Variants in TMEM132B observed in about 807,000 individuals in gnomAD.
TMEM132B encodes transmembrane protein 132B.
A neutral mutation model predicts 90.8 loss-of-function variants in TMEM132B; 18 were observed. The observed-to-expected ratio is 0.20, with a 90% confidence interval of 0.14 to 0.29. TMEM132B has a LOEUF of 0.29. Ranked by LOEUF, TMEM132B falls within the 10% of genes least tolerant of loss-of-function variation. TMEM132B has a pLI of 1.00. For synonymous variants in TMEM132B, 504 were observed against 523.3 expected (o/e 0.96, Z 0.50); for missense variants, 1,096 against 1,326.8 (o/e 0.83, Z 2.70).
Position 125,529,456 on chromosome 12 carries a change from C to T in TMEM132B, c.1293+9831C>T, listed in dbSNP as rs549174028. Among the ~76,000 whole-genome samples the T allele has an allele frequency of 6.6e-4, 100 of 152,256 alleles. 1 individual carries two copies. The highest frequency in any genetic ancestry group is 2.3e-3 in the African/African-American group (95 of 41,548). On this transcript the variant is annotated intron_variant, in intron 4 of 8. Transcript: ENST00000682704. ...TTCTTTGAATGATTCTGCCTGGTGG[C>T]CCCAAAGGCCAACAGGGACTTGACT...
At chr12:125,517,359 T>TGCA in intron 3 of TMEM132B, among the ~76,000 whole-genome samples, 1 of 89,556 alleles carries the variant, frequency 1.1e-5, no homozygotes, top group African/African-American at 5.6e-5. Flanking sequence ...TTTTTTTTTT[T>TGCA]TTTTTTGCAT....
At chr12:125,225,327 G>A (rs1479007884) in intron 1 of TMEM132B, among the ~76,000 whole-genome samples, 1 of 152,218 alleles carries the variant, frequency 6.6e-6, no homozygotes, top group Non-Finnish European at 1.5e-5. Flanking sequence ...AAATGAAAAT[G>A]CAGGTTAGAA....
At position 125,584,285 on chromosome 12, in the gene TMEM132B, A is replaced by C. The variant is rs117703607; in HGVS notation, c.1437+291A>C. 2.0e-3 allele frequency: 754 copies of C among 379,080 alleles called. 15 individuals carry two copies. The East Asian group carries it at 0.022, about 11-fold the overall frequency. The allele number at this position is 379,080 out of a possible 1,614,324, so 23.5% of individuals were successfully genotyped here. On this transcript the variant is annotated intron_variant, in intron 5 of 8. Coordinates refer to ENST00000682704, the MANE Select transcript of TMEM132B (RefSeq NM_001366854.1). ...TCTTGTCTCCCCTATTCTTCTCTCTATCTTTCCTCGTAAGACAATATTTTC... is the reference window on the plus strand; with the variant it reads ...TCTTGTCTCCCCTATTCTTCTCTCTCTCTTTCCTCGTAAGACAATATTTTC...
chr12:125,332,583 CTTTTTTTTTTTTTTTTTTTTTTT>C (rs201828438), intron 1 of TMEM132B, among the ~76,000 whole-genome samples: 6 of 52,364 alleles, frequency 1.1e-4, no homozygotes, highest in East Asian at 6.5e-4. Context: ...AGAGAGTTGG[CTTTTTTTTTTTTTTTTTTTTTTT>C]TTTTTTTTTT....
At chr12:125,598,055 G>A (rs1252674645) in intron 5 of TMEM132B, among the ~76,000 whole-genome samples, 1 of 152,162 alleles carries the variant, frequency 6.6e-6, no homozygotes, top group Non-Finnish European at 1.5e-5. Flanking sequence ...AGGCTGACAT[G>A]AATTGTACAA....
At chr12:125,505,164 G>GAAAAAAA (rs1566056531) in intron 3 of TMEM132B, among the ~76,000 whole-genome samples, 1 of 4,580 alleles carries the variant, frequency 2.2e-4, no homozygotes, top group Non-Finnish European at 4.5e-4. Flanking sequence ...CACACCAGAG[G>GAAAAAAA]ACAAAAAAAA....
intron 3 of TMEM132B, among the ~76,000 whole-genome samples, chr12:125,442,298 C>T (rs901495853): frequency 1.6e-5 from 2 of 123,150 alleles, no homozygotes; most frequent in Non-Finnish European, 3.2e-5. Context: ...AATTTTATGT[C>T]AGCTAGTGAC....
chr12:125,512,145 A>G (rs112340847), intron 3 of TMEM132B, among the ~76,000 whole-genome samples: 1,836 of 152,320 alleles, frequency 0.012, 12 homozygotes, highest in Middle Eastern at 0.034. Flanking sequence ...TTTTCTCAGA[A>G]ATCACAAATG....
chr12:125,254,700 T>C (rs1236864786), intron 1 of TMEM132B, among the ~76,000 whole-genome samples: 1 of 150,144 alleles, frequency 6.7e-6, no homozygotes, highest in Non-Finnish European at 1.5e-5. Flanking sequence ...TTTTTTTTTT[T>C]CAGATGGAGT....
intron 5 of TMEM132B, among the ~76,000 whole-genome samples, chr12:125,623,398 T>C (rs762243794): frequency 3.5e-4 from 54 of 152,138 alleles, no homozygotes; most frequent in South Asian, 6.2e-4. Flanking sequence ...CCTTGTTCCA[T>C]GTGGTTTGGA....
intron 2 of TMEM132B, among the ~76,000 whole-genome samples, chr12:125,375,421 A>C (rs768226991): frequency 1.3e-5 from 2 of 152,228 alleles, no homozygotes; most frequent in Non-Finnish European, 2.9e-5. Flanking sequence ...GCAAAGAGAT[A>C]CATTTTGTCG....
Position 125,408,386 on chromosome 12 carries a change from A to G in TMEM132B, c.960-7145A>G, listed in dbSNP as rs1416216289. Among the ~76,000 whole-genome samples, 1 of 152,164 alleles carries G rather than the reference A, an allele frequency of 6.6e-6. No homozygotes were observed. Among genetic ancestry groups the G allele is most frequent in the Non-Finnish European group, 1.5e-5 (1 of 68,034 alleles). ...TTGGGAGATTAGGTCATCTCCCTAAAGGAATGGGATTAATGCCCTTATAAA... is the reference window on the plus strand; with the variant it reads ...TTGGGAGATTAGGTCATCTCCCTAAGGGAATGGGATTAATGCCCTTATAAA... On this transcript the variant is annotated intron_variant, in intron 2 of 8. Transcript: ENST00000682704. The surrounding 1 kb of genome is among the most constrained non-coding windows in gnomAD (Gnocchi z 5.9).
At chr12:125,512,550 T>A (rs1052649655) in intron 3 of TMEM132B, among the ~76,000 whole-genome samples, 5 of 152,200 alleles carry the variant, frequency 3.3e-5, no homozygotes, top group Non-Finnish European at 5.9e-5. Context: ...AGATTTTTTT[T>A]AAAGTTCTGT....
chr12:125,640,354 G>A (rs929593533), intron 5 of TMEM132B, among the ~76,000 whole-genome samples: 14 of 152,232 alleles, frequency 9.2e-5, no homozygotes, highest in South Asian at 2.1e-4. Flanking sequence ...GGGCAGAGGT[G>A]CTGGTGCATA....
chr12:125,561,417 C>T (rs923921339), intron 4 of TMEM132B, among the ~76,000 whole-genome samples: 47 of 152,126 alleles, frequency 3.1e-4, no homozygotes, highest in Middle Eastern at 3.4e-3. Flanking sequence ...AAATACCTAA[C>T]GTAGGTAATG....
chr12:125,471,343 A>T (rs1881714791), intron 3 of TMEM132B, among the ~76,000 whole-genome samples: 1 of 152,218 alleles, frequency 6.6e-6, no homozygotes. Flanking sequence ...ATGAACACAG[A>T]CTTTGGCCTT....
chr12:125,300,244 C>T (rs1163362260), intron 1 of TMEM132B, among the ~76,000 whole-genome samples: 1 of 152,154 alleles, frequency 6.6e-6, no homozygotes, highest in Non-Finnish European at 1.5e-5. Context: ...CTGTGCTGCC[C>T]AGGGTGGTCT....
intron 1 of TMEM132B, among the ~76,000 whole-genome samples, chr12:125,263,338 G>A (rs1874611432): frequency 6.6e-6 from 1 of 152,206 alleles, no homozygotes; most frequent in South Asian, 2.1e-4. Context: ...GACTGCATGT[G>A]GCATTGTGCA....
At chr12:125,354,273 C>T (rs1245083032) in intron 2 of TMEM132B, among the ~76,000 whole-genome samples, 2 of 152,196 alleles carry the variant, frequency 1.3e-5, no homozygotes, top group Non-Finnish European at 2.9e-5. Context: ...CCAAATTCAG[C>T]CCATAGAGGT....
Sources: allele counts gnomAD v4.1 joint callset (sites outside exome capture counted in the v4.1 genomes callset), GRCh38; gene constraint gnomAD v4.1.1; non-coding constraint Gnocchi (gnomAD v3.1); transcripts MANE v1.5; gene names NCBI Gene and HGNC (gene_info 2026-07-23, HGNC 2026-07-21).